RSPH6A: variants seen among roughly 807,000 people sequenced by gnomAD.
RSPH6A encodes the protein radial spoke head 6 homolog A.
RSPH6A carries 49 observed loss-of-function variants against 66.1 expected under a neutral mutation model. The observed-to-expected ratio is 0.74, with a 90% CI of 0.59 to 0.94. RSPH6A has a LOEUF of 0.94. Ranked by LOEUF, RSPH6A falls within the 40% of genes least tolerant of loss-of-function variation. The pLI is 0.00. For synonymous variants in RSPH6A, 419 were observed against 402.4 expected (o/e 1.04, Z -0.49); for missense variants, 977 against 948.3 (o/e 1.03, Z -0.40).
chr19:45,804,818 G>A lies in RSPH6A; in HGVS notation c.1087C>T (p.Arg363Trp), dbSNP rs773430445. The change falls in exon 3 of 6, where the codon CGG (arginine) becomes TGG (tryptophan). Residue 363 changes from arginine (R) to tryptophan (W), a missense_variant. By Grantham distance (101) the Arg-to-Trp change is moderately radical. Transcript: ENST00000221538. The surrounding 1 kb of genome is among the most constrained non-coding windows in gnomAD (Gnocchi z 5.8). ...TCCTCTGCCTCCTCCTCGCCCTCCC[G>A]GAATTCCACCTCGGCCACCAGGTAG... Reference protein sequence around the residue: ...RSYLVAEVEFREGEEEAEEEE... With the variant: ...RSYLVAEVEFWEGEEEAEEEE... 14 of 1,614,032 alleles carry A rather than the reference G, an allele frequency of 8.7e-6. No homozygotes were observed. The highest frequency in any genetic ancestry group is 1.1e-5 in the South Asian group (1 of 91,072).
At chr19:45,796,159 A>AATT in intron 5 of RSPH6A, 53 bp from the exon 6 acceptor site, 1 of 1,168,860 alleles carries the variant, frequency 8.6e-7, no homozygotes, top group Non-Finnish European at 1.1e-6. Context: ...CCCAGACTTG[A>AATT]CTTTTTTTTT....
Position 45,804,161 on chromosome 19 carries a change from CAG to C in RSPH6A, c.1653+89_1653+90del, listed in dbSNP as rs1970508335. 9.9e-7 allele frequency: 1 copy of C among 1,005,090 alleles called. No homozygotes were observed. Among genetic ancestry groups the C allele is most frequent in the Non-Finnish European group, 1.5e-6 (1 of 683,324 alleles). 62.3% of individuals were successfully genotyped at this position (1,005,090 alleles called of 1,614,324 possible). ...GAACGAATGAATATTAGTTGCCCAG[CAG>C]AGAGTAAGAGCTTGATGTCAGTATT... is the stretch of plus-strand genomic sequence containing the variant. On this transcript the variant is annotated intron_variant, in intron 3 of 5. Transcript: ENST00000221538. The surrounding 1 kb of genome is among the most constrained non-coding windows in gnomAD (Gnocchi z 5.8).
chr19:45,809,286 C>A (rs1259690426), intron 2 of RSPH6A, among the ~76,000 whole-genome samples: 1 of 139,512 alleles, frequency 7.2e-6, no homozygotes, highest in Non-Finnish European at 1.5e-5. Flanking sequence ...CAGGTGTGAG[C>A]CACTGCGCCT....
intron 1 of RSPH6A, 102 bp from the exon 2 acceptor site, chr19:45,810,942 T>G (rs990177809): frequency 2.3e-6 from 2 of 867,088 alleles, no homozygotes; most frequent in Middle Eastern, 2.4e-4. Context: ...GGGGACACAG[T>G]AGGGAACTGA....
At position 45,802,248 on chromosome 19, in the gene RSPH6A, A is replaced by G; in HGVS notation, c.1670T>C (p.Val557Ala). Residue 557 changes from valine to alanine, a missense_variant, in exon 4 of 6, where the codon GTG becomes GCG. Physicochemically the swap from Val to Ala is moderately conservative, Grantham distance 64. Transcript: ENST00000221538. ...CTCCTCTGTCTTCTGCAAAGGGTTC[A>G]CCCAAGTGCAGCGGCCCTGGGGGTG... ...HILPQGRCTW[V>A]NPLQKTEEEE... 6.9e-7 allele frequency: 1 copy of G among 1,457,510 alleles called. No individual in the cohort carries two copies. The highest frequency in any genetic ancestry group is 9.2e-7 in the Non-Finnish European group (1 of 1,090,944). The allele number at this position is 1,457,510 out of a possible 1,614,324, so 90.3% of individuals were successfully genotyped here. A position where few individuals can be genotyped will look rare whatever the true frequency, so the allele number is the denominator to read the frequency against.
At chr19:45,805,131 T>A in intron 2 of RSPH6A, 115 bp from the exon 3 acceptor site, 1 of 856,860 alleles carries the variant, frequency 1.2e-6, no homozygotes, top group Non-Finnish European at 1.8e-6. Flanking sequence ...GTGCAGTGGC[T>A]CACGCCTGTA....
intron 5 of RSPH6A, 55 bp downstream of exon 5, chr19:45,800,391 G>A: frequency 6.5e-7 from 1 of 1,536,634 alleles, no homozygotes; most frequent in Non-Finnish European, 9.0e-7. Context: ...GCCCAACCAG[G>A]CTTGAAGAAG....
chr19:45,810,717 C>A lies in RSPH6A; in HGVS notation c.774G>T (p.Thr258=), dbSNP rs779983390. The change falls in exon 2 of 6, where the codon ACG becomes ACT. Residue 258 remains threonine (T), a synonymous_variant. Transcript: ENST00000221538. The part of the protein sequence containing the change: ...QWEWFHPKLD[T]LRDDPEMQPT... ...GCTGCATCTCGGGGTCGTCCCGCAGCGTGTCCAGCTTGGGGTGGAACCACT... is the reference window on the plus strand; with the variant it reads ...GCTGCATCTCGGGGTCGTCCCGCAGAGTGTCCAGCTTGGGGTGGAACCACT... 2 of 1,614,106 alleles carry A rather than the reference C, an allele frequency of 1.2e-6. No individual in the cohort carries two copies. The highest frequency in any genetic ancestry group is 1.7e-6 in the Non-Finnish European group (2 of 1,180,018).
rs763617260 is a variant in RSPH6A, at chr19:45,810,699, C to T, written c.792G>A (p.Glu264=). The change falls in exon 2 of 6, where the codon GAG becomes GAA. Residue 264 remains glutamate, a synonymous_variant. Coordinates refer to ENST00000221538, the MANE Select transcript of RSPH6A (RefSeq NM_030785.4). ...CCGCCATCTTGTAGGTGGGCTGCAT[C>T]TCGGGGTCGTCCCGCAGCGTGTCCA... is the stretch of plus-strand genomic sequence containing the variant. The part of the protein sequence containing the change: ...PKLDTLRDDP[E]MQPTYKMAEK... 1 of 1,614,194 alleles carries T rather than the reference C, an allele frequency of 6.2e-7. No homozygotes were observed. Among genetic ancestry groups the T allele is most frequent in the Non-Finnish European group, 8.5e-7 (1 of 1,180,042 alleles).
At chr19:45,812,536 C>T (rs1359779747) in intron 1 of RSPH6A, among the ~76,000 whole-genome samples, 1 of 152,084 alleles carries the variant, frequency 6.6e-6, no homozygotes, top group Non-Finnish European at 1.5e-5. Context: ...GAGACTTTGG[C>T]TAGGGCTTCT....
At chr19:45,798,110 C>T (rs1970427638) in intron 5 of RSPH6A, among the ~76,000 whole-genome samples, 1 of 152,032 alleles carries the variant, frequency 6.6e-6, no homozygotes, top group Admixed American at 6.6e-5. Flanking sequence ...CCTGTAATCC[C>T]TGCACTTTGA....
chr19:45,796,144 A>G, intron 5 of RSPH6A, 38 bp from the exon 6 acceptor site: 1 of 1,442,780 alleles, frequency 6.9e-7, no homozygotes, highest in Non-Finnish European at 9.3e-7. Flanking sequence ...TTCTCCCTCA[A>G]AGGCCCCAGA....
intron 4 of RSPH6A, among the ~76,000 whole-genome samples, 195 bp from the exon 5 acceptor site, chr19:45,800,758 ACACACACACACACACACT>A (rs1163632205): frequency 5.6e-4 from 66 of 117,626 alleles, no homozygotes; most frequent in Admixed American, 2.0e-3. Flanking sequence ...ACACACACAC[ACACACACACACACACACT>A]CTCTCTCTCT....
At chr19:45,806,538 G>C (rs1240064112) in intron 2 of RSPH6A, among the ~76,000 whole-genome samples, 1 of 151,642 alleles carries the variant, frequency 6.6e-6, no homozygotes, top group Non-Finnish European at 1.5e-5. Context: ...GGGTGTGGTG[G>C]TGGGCGCCTG....
At chr19:45,802,455 G>C (rs2048624779) in intron 3 of RSPH6A, among the ~76,000 whole-genome samples, 191 bp from the exon 4 acceptor site, 1 of 152,080 alleles carries the variant, frequency 6.6e-6, no homozygotes, top group Non-Finnish European at 1.5e-5. Context: ...GTTGAGGTGA[G>C]GACTCCTGAC....
chr19:45,800,797 C>CT lies in RSPH6A; in HGVS notation c.1799-235dup, dbSNP rs58407168. ...ACACTCTCTCTCTCTCTCTCGCTCT[C>CT]TTTTTTTTTTTTTTGGAGACAGAGT... On this transcript the variant is annotated intron_variant, in intron 4 of 5. Coordinates refer to ENST00000221538, the MANE Select transcript of RSPH6A (RefSeq NM_030785.4). 4.2e-3 allele frequency among the ~76,000 whole-genome samples: 576 copies of CT among 138,298 alleles called. 12 individuals are homozygous for CT. The highest frequency in any genetic ancestry group is 0.013 in the African/African-American group (472 of 37,302). 90.7% of individuals were successfully genotyped at this position (138,298 alleles called of 152,430 possible).
intron 3 of RSPH6A, among the ~76,000 whole-genome samples, chr19:45,803,404 T>C (rs1970496732): frequency 6.6e-6 from 1 of 150,874 alleles, no homozygotes; most frequent in Non-Finnish European, 1.5e-5. Context: ...AAGCTGGGCA[T>C]GGTGGCTCAT....
At chr19:45,799,344 G>C (rs1429465420) in intron 5 of RSPH6A, among the ~76,000 whole-genome samples, 1 of 152,100 alleles carries the variant, frequency 6.6e-6, no homozygotes, top group Non-Finnish European at 1.5e-5. Context: ...GGAGGATGTA[G>C]GAGTGACTTT....
intron 3 of RSPH6A, among the ~76,000 whole-genome samples, chr19:45,803,306 G>C (rs1163007418): frequency 4.6e-5 from 7 of 151,900 alleles, no homozygotes; most frequent in Admixed American, 4.6e-4. Context: ...CTTGAGCCCT[G>C]GAGGTCAGGG....
Sources: allele counts gnomAD v4.1 joint callset (sites outside exome capture counted in the v4.1 genomes callset), GRCh38; gene constraint gnomAD v4.1.1; non-coding constraint Gnocchi (gnomAD v3.1); transcripts MANE v1.5; gene names NCBI Gene and HGNC (gene_info 2026-07-23, HGNC 2026-07-21).